The following PPP3CA variants were observed in gnomAD, a reference collection of about 807,000 sequenced individuals.
PPP3CA encodes the protein CAM-PRP catalytic subunit.
Under a neutral mutation model 66.5 loss-of-function variants are expected in PPP3CA, and 14 were observed. The ratio of observed to expected loss-of-function variants is 0.21; its 90% CI spans 0.14 to 0.33. PPP3CA has a LOEUF of 0.33. PPP3CA is among the 10% of genes least tolerant of loss of function. The pLI, the probability that PPP3CA is intolerant of heterozygous loss-of-function variation, is 1.00. For missense variants in PPP3CA, 317 were observed against 639.5 expected (o/e 0.50, Z 5.44); for synonymous variants, 232 against 226.2 (o/e 1.03, Z -0.23).
chr4:101,262,230 T>C (rs1727032256), intron 1 of PPP3CA, among the ~76,000 whole-genome samples: 1 of 152,096 alleles, frequency 6.6e-6, no homozygotes, highest in Non-Finnish European at 1.5e-5. Flanking sequence ...ATCTATACTT[T>C]ACAGAAGCAC....
intron 8 of PPP3CA, among the ~76,000 whole-genome samples, chr4:101,073,635 A>G (rs1729021365): frequency 6.6e-6 from 1 of 152,122 alleles, no homozygotes; most frequent in African/African-American, 2.4e-5. Flanking sequence ...CTTCATATAA[A>G]TTATTGTATT....
At chr4:101,137,291 C>A (rs1025429613) in intron 2 of PPP3CA, among the ~76,000 whole-genome samples, 3 of 151,936 alleles carry the variant, frequency 2.0e-5, no homozygotes, top group African/African-American at 7.3e-5. Flanking sequence ...TTATTTCATC[C>A]CAAAGCAATT....
At chr4:101,200,134 GCTTCT>G (rs907515186) in intron 1 of PPP3CA, among the ~76,000 whole-genome samples, 20 of 152,060 alleles carry the variant, frequency 1.3e-4, no homozygotes, top group Non-Finnish European at 2.9e-5. Flanking sequence ...TAGGATTTCT[GCTTCT>G]CAAATCTGAG....
At chr4:101,305,600 A>C (rs1053687802) in intron 1 of PPP3CA, among the ~76,000 whole-genome samples, 1 of 152,246 alleles carries the variant, frequency 6.6e-6, no homozygotes, top group Non-Finnish European at 1.5e-5. Flanking sequence ...TTCAGAGTAC[A>C]AATATGGAGG....
Position 101,033,275 on chromosome 4 carries a change from GACACACACACACACACAAACACAC to G in PPP3CA, c.1242-935_1242-912del, listed in dbSNP as rs1238605874. ...TTGCGTGTATATATACATACATAGAGACACACACACACACACAAACACACACACACACACACACACACACACACA... is the reference window on the plus strand; with the variant it reads ...TTGCGTGTATATATACATACATAGAGACACACACACACACACACACACACA... On this transcript the variant is annotated intron_variant, in intron 11 of 13. Coordinates refer to ENST00000394854, the MANE Select transcript of PPP3CA (RefSeq NM_000944.5). Among the ~76,000 whole-genome samples the G allele has an allele frequency of 1.7e-3, 217 of 126,918 alleles. 2 individuals are homozygous for G. The highest frequency in any genetic ancestry group is 5.7e-3 in the African/African-American group (193 of 33,974). The allele number at this position is 126,918 out of a possible 152,430, so 83.3% of individuals were successfully genotyped here. A position where few individuals can be genotyped will look rare whatever the true frequency, so the allele number is the denominator to read the frequency against.
At chr4:101,083,293 T>G (rs1729519976) in intron 6 of PPP3CA, 30 bp from the exon 7 acceptor site, 1 of 1,574,916 alleles carries the variant, frequency 6.3e-7, no homozygotes, top group African/African-American at 1.4e-5. Flanking sequence ...AAGGGAAGCA[T>G]CTGTTAGGAA....
intron 8 of PPP3CA, among the ~76,000 whole-genome samples, chr4:101,066,375 C>T (rs1017022996): frequency 2.0e-5 from 3 of 152,060 alleles, no homozygotes; most frequent in Admixed American, 6.6e-5. Context: ...TACCTAACTA[C>T]GTGGGTTTAT....
chr4:101,164,916 T>C (rs1419137626), intron 2 of PPP3CA, among the ~76,000 whole-genome samples: 3 of 152,158 alleles, frequency 2.0e-5, no homozygotes, highest in African/African-American at 7.2e-5. Flanking sequence ...ATGTTGCACA[T>C]GTATATAGGC....
chr4:101,024,811 A>T lies in PPP3CA; in HGVS notation c.*1054T>A, dbSNP rs1472157856. On this transcript the variant is annotated 3_prime_UTR_variant, in exon 14 of 14. Transcript: ENST00000394854. ...TTTTTGATTACAAAATTTCAAAGGC[A>T]TTAAGCATTTTAGAGAATATAAAGT... 1 of 152,622 alleles carries T rather than the reference A, an allele frequency of 6.6e-6. No homozygotes were observed. The highest frequency in any genetic ancestry group is 1.5e-5 in the Non-Finnish European group (1 of 68,026). The allele number at this position is 152,622 out of a possible 1,614,324, so 9.5% of individuals were successfully genotyped here. A position where few individuals can be genotyped will look rare whatever the true frequency, so the allele number is the denominator to read the frequency against.
At chr4:101,104,623 G>A (rs376149195) in intron 3 of PPP3CA, among the ~76,000 whole-genome samples, 4 of 152,004 alleles carry the variant, frequency 2.6e-5, no homozygotes, top group African/African-American at 9.7e-5. Flanking sequence ...CATGTTCCTT[G>A]CAAAACTGTC....
intron 2 of PPP3CA, among the ~76,000 whole-genome samples, chr4:101,134,362 A>G (rs1722546199): frequency 6.6e-6 from 1 of 152,242 alleles, no homozygotes; most frequent in Non-Finnish European, 1.5e-5. Flanking sequence ...GCTAATATCC[A>G]GAATGTACAA....
At chr4:101,099,776 A>G in intron 3 of PPP3CA, 54 bp from the exon 4 acceptor site, 1 of 946,282 alleles carries the variant, frequency 1.1e-6, no homozygotes, top group Admixed American at 3.2e-5. Context: ...ACACTTATGC[A>G]TTTCATTGCT....
chr4:101,181,792 A>G (rs1436017401), intron 2 of PPP3CA, among the ~76,000 whole-genome samples: 1 of 152,156 alleles, frequency 6.6e-6, no homozygotes, highest in Non-Finnish European at 1.5e-5. Flanking sequence ...ATCTTTAGAT[A>G]AGAAATTATG....
intron 1 of PPP3CA, among the ~76,000 whole-genome samples, chr4:101,334,292 G>A (rs1729557105): frequency 6.6e-6 from 1 of 151,958 alleles, no homozygotes; most frequent in Non-Finnish European, 1.5e-5. Context: ...ATGACACCAC[G>A]CACAGCTAAT....
chr4:101,306,111 G>C (rs558989889), intron 1 of PPP3CA, among the ~76,000 whole-genome samples: 22 of 152,158 alleles, frequency 1.4e-4, no homozygotes, highest in Admixed American at 7.2e-4. Context: ...AAATTCCTTA[G>C]CACAAGAAAA....
chr4:101,262,021 T>C (rs898224607), intron 1 of PPP3CA, among the ~76,000 whole-genome samples: 20 of 152,004 alleles, frequency 1.3e-4, no homozygotes, highest in Admixed American at 1.2e-3. Flanking sequence ...ACAAAAAAAA[T>C]ACATTCAATG....
intron 1 of PPP3CA, among the ~76,000 whole-genome samples, chr4:101,263,555 T>C (rs1012164550): frequency 6.6e-6 from 1 of 152,114 alleles, no homozygotes; most frequent in African/African-American, 2.4e-5. Flanking sequence ...TCTAAATTGT[T>C]TTCCACTGTC....
At chr4:101,289,723 T>A (rs939439422) in intron 1 of PPP3CA, among the ~76,000 whole-genome samples, 5 of 152,192 alleles carry the variant, frequency 3.3e-5, no homozygotes, top group African/African-American at 1.2e-4. Context: ...AGGTTGTTTT[T>A]AAACTTACCT....
chr4:101,267,895 C>T (rs115313283), intron 1 of PPP3CA, among the ~76,000 whole-genome samples: 3,253 of 149,766 alleles, frequency 0.022, 141 homozygotes, highest in African/African-American at 0.078. Flanking sequence ...GGTTTTTAAA[C>T]TTTTAAAACC....
Sources: allele counts gnomAD v4.1 joint callset (sites outside exome capture counted in the v4.1 genomes callset), GRCh38; gene constraint gnomAD v4.1.1; transcripts MANE v1.5; gene names NCBI Gene and HGNC (gene_info 2026-07-23, HGNC 2026-07-21).